The following MAD1L1 variants were observed in gnomAD, a reference collection of about 807,000 sequenced individuals.
MAD1L1 encodes the protein mitotic spindle assembly checkpoint protein MAD1.
A neutral mutation model predicts 96.9 loss-of-function variants in MAD1L1; 95 were observed. The ratio of observed to expected loss-of-function variants is 0.98; its 90% confidence interval spans 0.83 to 1.16. The LOEUF is 1.16. MAD1L1 is among the 50% of genes most tolerant of loss of function. The pLI, the probability that MAD1L1 is intolerant of heterozygous loss-of-function variation, is 0.00. For missense variants in MAD1L1, 1,007 were observed against 954.4 expected, an observed-to-expected ratio of 1.06 and a Z score of -0.73; for synonymous variants, 473 against 396.6, an observed-to-expected ratio of 1.19 and a Z score of -2.29.
At chr7:2,040,148 TA>T (rs1783610647) in intron 12 of MAD1L1, among the ~76,000 whole-genome samples, 2 of 152,112 alleles carry the variant, frequency 1.3e-5, no homozygotes, top group African/African-American at 4.8e-5. Flanking sequence ...TGCCGAAAAT[TA>T]ATAACGGAGG....
At chr7:2,159,252 G>C (rs919358551) in intron 10 of MAD1L1, among the ~76,000 whole-genome samples, 6 of 152,356 alleles carry the variant, frequency 3.9e-5, no homozygotes, top group African/African-American at 1.2e-4. Flanking sequence ...TGCCTGTGCA[G>C]GACAGGGGTG....
chr7:2,027,161 GAAA>G (rs921702726), intron 12 of MAD1L1, among the ~76,000 whole-genome samples: 5 of 149,714 alleles, frequency 3.3e-5, no homozygotes, highest in African/African-American at 1.2e-4. Context: ...ACTGAATAAA[GAAA>G]AAAAAAGAAA....
chr7:2,002,686 TAA>T (rs1781851918), intron 13 of MAD1L1, among the ~76,000 whole-genome samples: 1 of 151,974 alleles, frequency 6.6e-6, no homozygotes, highest in African/African-American at 2.4e-5. Flanking sequence ...GACCCCACAC[TAA>T]GGGTAGAAAA....
At chr7:2,029,748 G>C (rs1783137739) in intron 12 of MAD1L1, among the ~76,000 whole-genome samples, 1 of 152,068 alleles carries the variant, frequency 6.6e-6, no homozygotes, top group Non-Finnish European at 1.5e-5. Context: ...GTGGGAGTTG[G>C]TGGCAGGCGC....
chr7:1,950,358 C>T (rs577873821), intron 16 of MAD1L1, among the ~76,000 whole-genome samples: 7 of 152,302 alleles, frequency 4.6e-5, no homozygotes, highest in Admixed American at 2.0e-4. Context: ...GCACGTCCCG[C>T]GCCACCTCGA....
intron 10 of MAD1L1, among the ~76,000 whole-genome samples, chr7:2,171,992 T>C (rs891584584): frequency 6.6e-6 from 1 of 151,980 alleles, no homozygotes; most frequent in Non-Finnish European, 1.5e-5. Context: ...CACACGGCAA[T>C]GCAACACTGC....
chr7:2,031,602 G>A (rs1479769574), intron 12 of MAD1L1, among the ~76,000 whole-genome samples: 1 of 152,232 alleles, frequency 6.6e-6, no homozygotes, highest in Non-Finnish European at 1.5e-5. Context: ...GCTCACACCT[G>A]CGCTATGACG....
chr7:1,937,014 C>G (rs1051499820), intron 16 of MAD1L1, 117 bp from the exon 17 acceptor site: 8 of 770,552 alleles, frequency 1.0e-5, no homozygotes, highest in African/African-American at 1.7e-5. Flanking sequence ...ACACACAGCA[C>G]AGTGCTCAGT....
At chr7:2,163,960 T>C (rs1024354476) in intron 10 of MAD1L1, among the ~76,000 whole-genome samples, 7 of 152,092 alleles carry the variant, frequency 4.6e-5, no homozygotes, top group Non-Finnish European at 1.0e-4. Context: ...AACACCTTAG[T>C]GTCTGCAGTC....
chr7:1,892,873 GCT>G (rs1265801830), intron 18 of MAD1L1, among the ~76,000 whole-genome samples: 4 of 152,172 alleles, frequency 2.6e-5, no homozygotes, highest in Non-Finnish European at 5.9e-5. Flanking sequence ...AACTGCATTT[GCT>G]CTGTGTCCCC....
At chr7:2,222,862 C>T (rs1462810277) in intron 4 of MAD1L1, 108 bp from the exon 5 acceptor site, 11 of 935,636 alleles carry the variant, frequency 1.2e-5, no homozygotes, top group East Asian at 5.5e-5. Context: ...AAAAAAGAGC[C>T]GAGCAGGACC....
chr7:1,880,348 G>A (rs1278050709), intron 18 of MAD1L1, among the ~76,000 whole-genome samples: 1 of 152,106 alleles, frequency 6.6e-6, no homozygotes, highest in Non-Finnish European at 1.5e-5. Flanking sequence ...TCTCTGCAGG[G>A]CCCCCAGAAA....
chr7:1,931,613 C>A (rs1023981821), intron 17 of MAD1L1, among the ~76,000 whole-genome samples: 1 of 152,194 alleles, frequency 6.6e-6, no homozygotes, highest in Admixed American at 6.5e-5. Flanking sequence ...GCTGACTTCC[C>A]GAGAGACAGC....
At chr7:2,051,814 T>TC (rs1248516284) in intron 12 of MAD1L1, among the ~76,000 whole-genome samples, 2 of 80,142 alleles carry the variant, frequency 2.5e-5, no homozygotes, top group African/African-American at 9.8e-5. Flanking sequence ...CCCAACCCCA[T>TC]CCCCCACCAG....
At chr7:2,034,975 C>T (rs1384162105) in intron 12 of MAD1L1, among the ~76,000 whole-genome samples, 1 of 152,244 alleles carries the variant, frequency 6.6e-6, no homozygotes, top group Non-Finnish European at 1.5e-5. Flanking sequence ...TCCGCAGACC[C>T]AAACCTGAGG....
chr7:1,981,119 G>A (rs970534261), intron 14 of MAD1L1, among the ~76,000 whole-genome samples: 1 of 152,250 alleles, frequency 6.6e-6, no homozygotes, highest in African/African-American at 2.4e-5. Context: ...GGCGCGTGCT[G>A]CCACGCCTGG....
chr7:1,837,864 C>T (rs548626618), intron 18 of MAD1L1, among the ~76,000 whole-genome samples: 10 of 152,144 alleles, frequency 6.6e-5, no homozygotes, highest in Non-Finnish European at 2.9e-5. Context: ...CTCACGGGTG[C>T]GTGTATACAG....
intron 17 of MAD1L1, among the ~76,000 whole-genome samples, chr7:1,909,810 G>A (rs1281296351): frequency 1.3e-5 from 2 of 152,230 alleles, no homozygotes; most frequent in Admixed American, 6.5e-5. Context: ...GACGGCCCTT[G>A]AGACACGGCC....
At chr7:2,227,971 C>T (rs543628803) in intron 3 of MAD1L1, among the ~76,000 whole-genome samples, 2 of 152,208 alleles carry the variant, frequency 1.3e-5, no homozygotes, top group South Asian at 2.1e-4. Flanking sequence ...AGCACACATT[C>T]CCCCGGCCTG....
Sources: allele counts gnomAD v4.1 joint callset (sites outside exome capture counted in the v4.1 genomes callset), GRCh38; gene constraint gnomAD v4.1.1; transcripts MANE v1.5; gene names NCBI Gene and HGNC (gene_info 2026-07-23, HGNC 2026-07-21).